Variants in C3orf70 observed in about 807,000 individuals in gnomAD.
C3orf70 encodes the protein UPF0524 protein C3orf70.
A neutral mutation model predicts 20.7 loss-of-function variants in C3orf70; 15 were observed. That is an observed-to-expected ratio of 0.72 (90% CI 0.48 to 1.11). The LOEUF is 1.11. C3orf70 is among the 50% of genes most tolerant of loss of function. C3orf70 has a pLI of 0.00. For missense variants in C3orf70, 332 were observed against 317.6 expected (o/e 1.05, Z -0.34); for synonymous variants, 161 against 125.7 (o/e 1.28, Z -1.88).
At chr3:185,094,027 T>C (rs1396275322) in intron 1 of C3orf70, among the ~76,000 whole-genome samples, 4 of 151,728 alleles carry the variant, frequency 2.6e-5, no homozygotes, top group Non-Finnish European at 5.9e-5. Flanking sequence ...CTCTAGATTA[T>C]AGTACCTAAT....
chr3:185,151,222 C>T (rs983612924), intron 1 of C3orf70, among the ~76,000 whole-genome samples: 6 of 152,138 alleles, frequency 3.9e-5, no homozygotes, highest in African/African-American at 1.4e-4. Flanking sequence ...GCAAGGTTCC[C>T]ATCAGTAACG....
intron 1 of C3orf70, among the ~76,000 whole-genome samples, chr3:185,099,843 G>T (rs988272070): frequency 6.6e-6 from 1 of 152,068 alleles, no homozygotes; most frequent in African/African-American, 2.4e-5. Flanking sequence ...ACACCTACAG[G>T]CTCAAAATAA....
intron 1 of C3orf70, among the ~76,000 whole-genome samples, chr3:185,150,166 C>T (rs1051923811): frequency 3.3e-5 from 5 of 152,178 alleles, no homozygotes; most frequent in African/African-American, 1.2e-4. Flanking sequence ...AACAGTGCAA[C>T]TAGGTGGCTA....
chr3:185,101,774 C>T (rs1039612048), intron 1 of C3orf70, among the ~76,000 whole-genome samples: 1 of 152,150 alleles, frequency 6.6e-6, no homozygotes, highest in Admixed American at 6.5e-5. Flanking sequence ...TCCCACCAAG[C>T]CCCATCTCCA....
At chr3:185,143,478 G>C (rs998870183) in intron 1 of C3orf70, among the ~76,000 whole-genome samples, 3 of 152,152 alleles carry the variant, frequency 2.0e-5, no homozygotes, top group Non-Finnish European at 4.4e-5. Flanking sequence ...TAAAGAATTT[G>C]TCCTACTTGG....
intron 1 of C3orf70, among the ~76,000 whole-genome samples, chr3:185,092,383 G>A (rs1715610760): frequency 6.6e-6 from 1 of 152,070 alleles, no homozygotes; most frequent in South Asian, 2.1e-4. Context: ...CTGGTACCCA[G>A]CTTCCTGATT....
In C3orf70 at chr3:185,153,056, GC is replaced by G. The variant is rs1717032488; in HGVS notation, c.-234del. The G allele has an allele frequency of 6.6e-6, 1 of 151,130 alleles. No homozygotes were observed. Among genetic ancestry groups the G allele is most frequent in the Non-Finnish European group, 1.5e-5 (1 of 68,850 alleles). 9.4% of individuals were successfully genotyped at this position (151,130 alleles called of 1,614,324 possible). A position where few individuals can be genotyped will look rare whatever the true frequency, so the allele number is the denominator to read the frequency against. On this transcript the variant is annotated 5_prime_UTR_variant, in exon 1 of 2. Coordinates refer to ENST00000335012, the MANE Select transcript of C3orf70 (RefSeq NM_001025266.3). The surrounding 1 kb of genome is among the most constrained non-coding windows in gnomAD (Gnocchi z 6.8). The stretch of plus-strand genomic sequence containing the variant: ...CTCCCTCCGGCGCGGCGCGCGCCGC[GC>G]CCCACGCGCACACGCACGCGCACAG...
intron 1 of C3orf70, among the ~76,000 whole-genome samples, chr3:185,128,502 TG>T (rs1716460095): frequency 6.7e-6 from 1 of 148,912 alleles, no homozygotes; most frequent in Non-Finnish European, 1.5e-5. Context: ...CACTCCGGCC[TG>T]GCTACAGAGC....
chr3:185,087,885 CTTTATGTAT>C (rs1245149051), intron 1 of C3orf70, among the ~76,000 whole-genome samples: 1 of 150,754 alleles, frequency 6.6e-6, no homozygotes, highest in Non-Finnish European at 1.5e-5. Flanking sequence ...AGTTCTTTGA[CTTTATGTAT>C]TTTAAATTAG....
At chr3:185,131,290 C>T (rs1457314090) in intron 1 of C3orf70, among the ~76,000 whole-genome samples, 4 of 152,172 alleles carry the variant, frequency 2.6e-5, no homozygotes, top group South Asian at 4.1e-4. Context: ...TTAACCTGTA[C>T]ATTAACTGTC....
At chr3:185,124,649 C>T (rs892839087) in intron 1 of C3orf70, among the ~76,000 whole-genome samples, 3 of 151,912 alleles carry the variant, frequency 2.0e-5, no homozygotes, top group African/African-American at 4.8e-5. Flanking sequence ...TTAAACAGAA[C>T]ACGAAAAGCA....
rs373613932 is a variant in C3orf70 at position 185,087,029 on chromosome 3, G to A, written c.197-3466C>T. 2.3e-4 allele frequency among the ~76,000 whole-genome samples: 35 copies of A among 152,168 alleles called. No individual in the cohort carries two copies. The East Asian group carries it at 2.7e-3, about 12-fold the overall frequency. ...CGAGAATCCATGTTCACATAGCTCCGAGGCACTGCAAGATCCTGAATTATC... is the reference window on the plus strand; with the variant it reads ...CGAGAATCCATGTTCACATAGCTCCAAGGCACTGCAAGATCCTGAATTATC... On this transcript the variant is annotated intron_variant, in intron 1 of 1. Coordinates refer to ENST00000335012, the MANE Select transcript of C3orf70 (RefSeq NM_001025266.3).
At chr3:185,086,466 G>A (rs999781566) in intron 1 of C3orf70, among the ~76,000 whole-genome samples, 3 of 152,194 alleles carry the variant, frequency 2.0e-5, no homozygotes, top group Admixed American at 6.5e-5. Context: ...AGTGCCCTAT[G>A]AGAAGAGGAA....
chr3:185,109,922 A>G (rs1394291499), intron 1 of C3orf70, among the ~76,000 whole-genome samples: 1 of 152,234 alleles, frequency 6.6e-6, no homozygotes, highest in Non-Finnish European at 1.5e-5. Flanking sequence ...GGTGCTACAC[A>G]ACGATTCCTA....
Position 185,152,734 on chromosome 3 carries a change from G to T in C3orf70, c.90C>A (p.Ala30=). 6.3e-7 allele frequency: 1 copy of T among 1,594,240 alleles called. No individual in the cohort carries two copies. The highest frequency in any genetic ancestry group is 8.5e-7 in the Non-Finnish European group (1 of 1,171,066). Residue 30 remains alanine (A), a synonymous_variant, in exon 1 of 2, where the codon GCC becomes GCA. Coordinates refer to ENST00000335012, the MANE Select transcript of C3orf70 (RefSeq NM_001025266.3). Reference sequence around the variant, plus strand: ...CGCACGGCTGGAAGTCGGGTCTGCGGGCGGCGCAACTCCGCGCCAGGGCCT... The same window carrying T: ...CGCACGGCTGGAAGTCGGGTCTGCGTGCGGCGCAACTCCGCGCCAGGGCCT... ...EAQALARSCA[A]RRPDFQPCDG...
Position 185,081,760 on chromosome 3 carries a change from T to C in C3orf70, c.*1247A>G, listed in dbSNP as rs946570878. 1 of 152,664 alleles carries C rather than the reference T, an allele frequency of 6.6e-6. No individual in the cohort carries two copies. Among genetic ancestry groups the C allele is most frequent in the African/African-American group, 2.4e-5 (1 of 41,458 alleles). The allele number at this position is 152,664 out of a possible 1,614,324, so 9.5% of individuals were successfully genotyped here. ...GAACACATACAACAGACAGACTGTGTGGGAAAGTGAATGGCTATTACACTG... is the reference window on the plus strand; with the variant it reads ...GAACACATACAACAGACAGACTGTGCGGGAAAGTGAATGGCTATTACACTG... On this transcript the variant is annotated 3_prime_UTR_variant, in exon 2 of 2. Coordinates refer to ENST00000335012, the MANE Select transcript of C3orf70 (RefSeq NM_001025266.3).
At chr3:185,087,276 G>A (rs1715478448) in intron 1 of C3orf70, among the ~76,000 whole-genome samples, 1 of 152,208 alleles carries the variant, frequency 6.6e-6, no homozygotes, top group African/African-American at 2.4e-5. Context: ...CAGAGAAAAA[G>A]AGAGCAAAAG....
At chr3:185,134,667 A>G (rs1272248994) in intron 1 of C3orf70, among the ~76,000 whole-genome samples, 1 of 152,156 alleles carries the variant, frequency 6.6e-6, no homozygotes, top group Non-Finnish European at 1.5e-5. Context: ...TAACTGCTCT[A>G]CTCCAGCCAA....
At chr3:185,143,839 G>A (rs537218912) in intron 1 of C3orf70, among the ~76,000 whole-genome samples, 1 of 152,200 alleles carries the variant, frequency 6.6e-6, no homozygotes, top group African/African-American at 2.4e-5. Flanking sequence ...TTTGAAACTT[G>A]TTAACCCATG....
Sources: gnomAD v4.1 joint callset for allele counts (sites outside exome capture counted in the v4.1 genomes callset) on GRCh38, gnomAD v4.1.1 for gene constraint, Gnocchi (gnomAD v3.1) non-coding constraint, MANE v1.5 for transcripts, NCBI Gene and HGNC (gene_info 2026-07-23, HGNC 2026-07-21) for gene names.